ALDOB: variants seen among roughly 807,000 people sequenced by gnomAD.
The protein encoded by ALDOB is fructose-bisphosphate aldolase B.
ALDOB carries 39 observed loss-of-function variants against 41.0 expected under a neutral mutation model. The observed-to-expected ratio is 0.95, with a 90% CI of 0.74 to 1.24. The LOEUF is 1.24. ALDOB is among the 50% of genes most tolerant of loss of function. The pLI is 0.00. For synonymous variants in ALDOB, 175 were observed against 168.8 expected, an observed-to-expected ratio of 1.04 and a Z score of -0.28; for missense variants, 530 against 457.3, an observed-to-expected ratio of 1.16 and a Z score of -1.45.
intron 5 of ALDOB, 50 bp from the exon 6 acceptor site, chr9:101,426,688 C>T (rs1831134243): frequency 3.5e-6 from 4 of 1,157,026 alleles, no homozygotes; most frequent in Admixed American, 1.7e-5. Context: ...TCACTGTTAT[C>T]CTTTCCTTAG....
rs199920124 is a variant in ALDOB at position 101,429,942 on chromosome 9, C to T, written c.137G>A (p.Arg46Lys). Residue 46 changes from arginine (R) to lysine (K), a missense_variant, in exon 3 of 9, where the codon AGG becomes AAG. Coordinates refer to ENST00000647789, the MANE Select transcript of ALDOB (RefSeq NM_000035.4). Reference protein sequence around the residue: ...SVGTMGNRLQRIKVENTEENR... With the variant: ...SVGTMGNRLQKIKVENTEENR... Reference sequence around the variant, plus strand: ...CTCTTCAGTGTTTTCCACCTTGATCCTCTGCAGGCGGTTCCCCATGGTACC... The same window carrying T: ...CTCTTCAGTGTTTTCCACCTTGATCTTCTGCAGGCGGTTCCCCATGGTACC... 2 of 1,614,140 alleles carry T rather than the reference C, an allele frequency of 1.2e-6. No individual in the cohort carries two copies. Among genetic ancestry groups the T allele is most frequent in the East Asian group, 4.5e-5 (2 of 44,864 alleles).
rs1588172782 is a variant in ALDOB at position 101,430,910 on chromosome 9, G to A, written c.-10-13C>T. The A allele has an allele frequency of 6.3e-7, 1 of 1,575,936 alleles. No individual in the cohort carries two copies. The highest frequency in any genetic ancestry group is 2.2e-5 in the East Asian group (1 of 44,712). ...CATGGTGACAGGTCTGGAAAAGAGT[G>A]TGCGAGAGTTGTGCACAGAACCATG... On this transcript the variant is annotated splice_polypyrimidine_tract_variant and intron_variant, in intron 1 of 8. Transcript: ENST00000647789.
At chr9:101,422,591 G>A (rs1287655443) in intron 8 of ALDOB, among the ~76,000 whole-genome samples, 4 of 152,144 alleles carry the variant, frequency 2.6e-5, no homozygotes, top group Admixed American at 2.0e-4. Context: ...CCCATAATCT[G>A]CATTTTTAAC....
intron 8 of ALDOB, 36 bp downstream of exon 8, chr9:101,424,807 A>C: frequency 1.9e-6 from 3 of 1,609,946 alleles, no homozygotes; most frequent in Non-Finnish European, 2.5e-6. Context: ...CCAAATGTGA[A>C]CATCATCAAG....
chr9:101,429,246 A>G (rs1831178484), intron 3 of ALDOB, among the ~76,000 whole-genome samples: 1 of 149,348 alleles, frequency 6.7e-6, no homozygotes, highest in Non-Finnish European at 1.5e-5. Context: ...TTCGACCTCC[A>G]GGGCTCAGGT....
At chr9:101,425,703 G>T in intron 6 of ALDOB, 76 bp from the exon 7 acceptor site, 3 of 1,456,598 alleles carry the variant, frequency 2.1e-6, no homozygotes, top group Non-Finnish European at 2.9e-6. Flanking sequence ...CATTTACACT[G>T]CAGGGAGGCA....
chr9:101,427,902 A>G (rs1268805237), intron 4 of ALDOB, among the ~76,000 whole-genome samples: 1 of 152,244 alleles, frequency 6.6e-6, no homozygotes, highest in Non-Finnish European at 1.5e-5. Flanking sequence ...CTCATTTTAC[A>G]AAGGTGGAAA....
In ALDOB at chr9:101,424,888, A is replaced by G. The variant is rs572044496; in HGVS notation, c.954T>C (p.Ala318=). 9.9e-6 allele frequency: 16 copies of G among 1,613,926 alleles called. No individual in the cohort carries two copies. In the East Asian group the frequency reaches 2.5e-4, roughly 25 times the overall value. Reference sequence around the variant, plus strand: ...CCTCCTGGGTTGCCTCCTTGTTTGCAGCCTTGCCACCCCAGGCAGCCAGTG... The same window carrying G: ...CCTCCTGGGTTGCCTCCTTGTTTGCGGCCTTGCCACCCCAGGCAGCCAGTG... ...ASALAAWGGK[A]ANKEATQEAF... is the part of the protein sequence containing the mutation. The change falls in exon 8 of 9, where the codon GCT becomes GCC. Residue 318 remains alanine (A), a synonymous_variant. Transcript: ENST00000647789.
At chr9:101,427,818 TAATA>T (rs1303369795) in intron 4 of ALDOB, among the ~76,000 whole-genome samples, 176 bp from the exon 5 acceptor site, 8 of 152,196 alleles carry the variant, frequency 5.3e-5, no homozygotes, top group African/African-American at 1.9e-4. Flanking sequence ...GACTTAGATT[TAATA>T]AATAGTGTTT....
chr9:101,421,959 G>T, intron 8 of ALDOB, 55 bp from the exon 9 acceptor site: 1 of 1,435,036 alleles, frequency 7.0e-7, no homozygotes, highest in South Asian at 1.2e-5. Context: ...ACCCCACCTT[G>T]ACCCTGTCTG....
rs41281039 is a variant in ALDOB at position 101,429,943 on chromosome 9, T to A, written c.136A>T (p.Arg46Trp). 30 of 1,614,144 alleles carry A rather than the reference T, an allele frequency of 1.9e-5. No homozygotes were observed. The highest frequency in any genetic ancestry group is 1.7e-4 in the Middle Eastern group (1 of 6,040). The change falls in exon 3 of 9, where the codon AGG (arginine) becomes TGG (tryptophan). Residue 46 changes from arginine (R) to tryptophan (W), a missense_variant. Arg to Trp is a moderately radical substitution (Grantham distance 101). Coordinates refer to ENST00000647789, the MANE Select transcript of ALDOB (RefSeq NM_000035.4). ...TCTTCAGTGTTTTCCACCTTGATCC[T>A]CTGCAGGCGGTTCCCCATGGTACCT... ...SVGTMGNRLQ[R>W]IKVENTEENR...
intron 5 of ALDOB, 103 bp from the exon 6 acceptor site, chr9:101,426,741 A>G: frequency 1.3e-6 from 1 of 774,126 alleles, no homozygotes; most frequent in East Asian, 2.5e-5. Context: ...TGAAGCCATT[A>G]TGGAGAAATA....
intron 6 of ALDOB, among the ~76,000 whole-genome samples, chr9:101,425,992 A>T (rs1261787721): frequency 1.3e-5 from 2 of 152,144 alleles, no homozygotes; most frequent in Admixed American, 6.5e-5. Flanking sequence ...ACGGGCCTCC[A>T]CTGTCCATGT....
intron 7 of ALDOB, 111 bp from the exon 8 acceptor site, chr9:101,425,153 A>G (rs779011836): frequency 7.7e-7 from 1 of 1,298,904 alleles, no homozygotes; most frequent in Admixed American, 1.9e-5. Context: ...TTCTCTGCTT[A>G]ATTTGCCTTA....
intron 8 of ALDOB, among the ~76,000 whole-genome samples, chr9:101,423,256 C>T (rs1339980501): frequency 1.3e-5 from 2 of 152,214 alleles, no homozygotes; most frequent in Non-Finnish European, 2.9e-5. Context: ...CTAGCTTCCT[C>T]TATGGTCAGC....
Position 101,424,927 on chromosome 9 carries a change from G to C in ALDOB, c.915C>G (p.Ala305=), listed in dbSNP as rs1400203483. The change falls in exon 8 of 9, where the codon GCC becomes GCG. Residue 305 remains alanine (A), a synonymous_variant. Coordinates refer to ENST00000647789, the MANE Select transcript of ALDOB (RefSeq NM_000035.4). ...PWKLSFSYGR[A]LQASALAAWG... ...AGGCAGCCAGTGCACTGGCCTGCAGGGCCCGTCCATAAGAGAAACTTAGTT... is the reference window on the plus strand; with the variant it reads ...AGGCAGCCAGTGCACTGGCCTGCAGCGCCCGTCCATAAGAGAAACTTAGTT... 4 of 1,614,136 alleles carry C rather than the reference G, an allele frequency of 2.5e-6. No individual in the cohort carries two copies. In the African/African-American group the frequency reaches 4.0e-5, roughly 16 times the overall value.
chr9:101,434,178 C>T (rs1831259336), intron 1 of ALDOB, among the ~76,000 whole-genome samples: 1 of 152,148 alleles, frequency 6.6e-6, no homozygotes, highest in Admixed American at 6.5e-5. Context: ...AAGGTAACCA[C>T]AGAAAAACAG....
intron 8 of ALDOB, 99 bp from the exon 9 acceptor site, chr9:101,422,003 G>C (rs1422589995): frequency 3.0e-6 from 3 of 998,458 alleles, no homozygotes; most frequent in African/African-American, 1.6e-5. Flanking sequence ...CCTTCACTCA[G>C]ATTTTCTTCT....
At position 101,421,057 on chromosome 9, in the gene ALDOB, G is replaced by C. The variant is rs555999328; in HGVS notation, c.*752C>G. 135 of 152,484 alleles carry C rather than the reference G, an allele frequency of 8.9e-4. No individual in the cohort carries two copies. Among genetic ancestry groups the C allele is most frequent in the African/African-American group, 3.2e-3 (131 of 41,554 alleles). The allele number at this position is 152,484 out of a possible 1,614,324, so 9.4% of individuals were successfully genotyped here. A position where few individuals can be genotyped will look rare whatever the true frequency, so the allele number is the denominator to read the frequency against. On this transcript the variant is annotated 3_prime_UTR_variant, in exon 9 of 9. Coordinates refer to ENST00000647789, the MANE Select transcript of ALDOB (RefSeq NM_000035.4). The stretch of plus-strand genomic sequence containing the variant: ...ACATTTTTAGCTGGCTTCGTATTGT[G>C]AATGGCTTTAATTTTCAAATACCCT...
Sources: gnomAD v4.1 joint callset for allele counts (sites outside exome capture counted in the v4.1 genomes callset) on GRCh38, gnomAD v4.1.1 for gene constraint, MANE v1.5 for transcripts, NCBI Gene and HGNC (gene_info 2026-07-23, HGNC 2026-07-21) for gene names.